SNX30: variants seen among roughly 807,000 people sequenced by gnomAD.
SNX30 encodes the protein sorting nexin-30.
Under a neutral mutation model 46.4 loss-of-function variants are expected in SNX30, and 24 were observed. That is an observed-to-expected ratio of 0.52 (90% CI 0.37 to 0.73). The LOEUF (loss-of-function observed/expected upper bound fraction) is 0.73, where lower values mean the gene tolerates loss of function less well. SNX30 is among the 30% of genes least tolerant of loss of function. The pLI, the probability that SNX30 is intolerant of heterozygous loss-of-function variation, is 0.00. For missense variants in SNX30, 533 were observed against 555.7 expected, an observed-to-expected ratio of 0.96 and a Z score of 0.41; for synonymous variants, 189 against 211.5, an observed-to-expected ratio of 0.89 and a Z score of 0.92.
Position 112,869,002 on chromosome 9 carries a change from T to C in SNX30, c.*159T>C. The C allele has an allele frequency of 4.4e-6, 3 of 688,290 alleles. No homozygotes were observed. Among genetic ancestry groups the C allele is most frequent in the East Asian group, 5.3e-5 (2 of 37,908 alleles). 42.6% of individuals were successfully genotyped at this position (688,290 alleles called of 1,614,324 possible). A position where few individuals can be genotyped will look rare whatever the true frequency, so the allele number is the denominator to read the frequency against. On this transcript the variant is annotated 3_prime_UTR_variant, in exon 9 of 9. Coordinates refer to ENST00000374232, the MANE Select transcript of SNX30 (RefSeq NM_001012994.2). ...TCCCCCACCTTTCACCCCACAGTGG[T>C]TTTCAATTAGTATTTATTCCATGGT... is the stretch of plus-strand genomic sequence containing the variant.
intron 4 of SNX30, among the ~76,000 whole-genome samples, chr9:112,832,100 G>GT (rs1319430747): frequency 1.3e-5 from 2 of 152,138 alleles, no homozygotes; most frequent in African/African-American, 4.8e-5. Flanking sequence ...GAGTCCTTTA[G>GT]TTTTTATAAC....
In SNX30 at chr9:112,853,043, C is replaced by T. The variant is rs575029608; in HGVS notation, c.1101+2098C>T. The stretch of plus-strand genomic sequence containing the variant: ...CCGGGGGAAGGCATTGTTCTTTCCC[C>T]GTTTCGTGGGTGAGGAAATGAGGCA... On this transcript the variant is annotated intron_variant, in intron 7 of 8. Transcript: ENST00000374232. Among the ~76,000 whole-genome samples, 16 of 152,212 alleles carry T rather than the reference C, an allele frequency of 1.1e-4. No individual in the cohort carries two copies. In the South Asian group the frequency reaches 2.7e-3, roughly 26 times the overall value.
chr9:112,758,039 C>G (rs1337057018), intron 1 of SNX30, among the ~76,000 whole-genome samples: 2 of 152,142 alleles, frequency 1.3e-5, no homozygotes, highest in Non-Finnish European at 2.9e-5. Flanking sequence ...CCCTTCTACT[C>G]CACCCTTCCT....
At position 112,864,298 on chromosome 9, in the gene SNX30, G is replaced by T; in HGVS notation, c.1153G>T (p.Asp385Tyr). 1 of 1,614,196 alleles carries T rather than the reference G, an allele frequency of 6.2e-7. No homozygotes were observed. Among genetic ancestry groups the T allele is most frequent in the Non-Finnish European group, 8.5e-7 (1 of 1,180,038 alleles). The change falls in exon 8 of 9, where the codon GAC becomes TAC. Residue 385 changes from aspartate (D) to tyrosine (Y), a missense_variant. By Grantham distance (160) the Asp-to-Tyr change is radical. Coordinates refer to ENST00000374232, the MANE Select transcript of SNX30 (RefSeq NM_001012994.2). ...CQDRMECFNA[D>Y]LKADMERWQN... ...GGATCGGATGGAGTGTTTCAATGCT[G>T]ACCTGAAAGCTGACATGGAGAGGTG...
In SNX30 at chr9:112,874,855, A is replaced by G. The variant is rs1383501476; in HGVS notation, c.*6012A>G. 4 of 152,142 alleles carry G rather than the reference A, an allele frequency of 2.6e-5. No homozygotes were observed. The highest frequency in any genetic ancestry group is 6.5e-5 in the Admixed American group (1 of 15,274). The allele number at this position is 152,142 out of a possible 1,614,324, so 9.4% of individuals were successfully genotyped here. The stretch of plus-strand genomic sequence containing the variant: ...GTGTATAAAAAAATTGTTGTTTACT[A>G]TGGAATTAGTATTACATTTTGAGGT... On this transcript the variant is annotated 3_prime_UTR_variant, in exon 9 of 9. Coordinates refer to ENST00000374232, the MANE Select transcript of SNX30 (RefSeq NM_001012994.2).
intron 3 of SNX30, among the ~76,000 whole-genome samples, chr9:112,820,525 A>G (rs923711508): frequency 1.3e-5 from 2 of 152,202 alleles, no homozygotes; most frequent in Non-Finnish European, 2.9e-5. Context: ...TTCCCTTTTT[A>G]AGAAAGGATT....
chr9:112,847,404 C>A (rs1317796007), intron 6 of SNX30, among the ~76,000 whole-genome samples: 1 of 151,460 alleles, frequency 6.6e-6, no homozygotes. Flanking sequence ...CATATTATTT[C>A]ATACAGAAAC....
At chr9:112,847,462 T>TA (rs199659835) in intron 6 of SNX30, among the ~76,000 whole-genome samples, 7 of 133,776 alleles carry the variant, frequency 5.2e-5, no homozygotes, top group Admixed American at 3.7e-4. Context: ...TTTTTTTTTT[T>TA]AAAAAGGACT....
intron 6 of SNX30, among the ~76,000 whole-genome samples, chr9:112,849,318 T>C (rs1423293792): frequency 2.0e-5 from 3 of 152,262 alleles, no homozygotes; most frequent in African/African-American, 4.8e-5. Flanking sequence ...ACTAGCCATA[T>C]GTGGCTATTT....
intron 1 of SNX30, among the ~76,000 whole-genome samples, chr9:112,804,322 G>C (rs1259213423): frequency 6.6e-6 from 1 of 152,234 alleles, no homozygotes; most frequent in South Asian, 2.1e-4. Flanking sequence ...GCACCACCAT[G>C]TCCAGCTAAT....
intron 2 of SNX30, among the ~76,000 whole-genome samples, chr9:112,807,276 G>C (rs2131406305): frequency 6.6e-6 from 1 of 152,128 alleles, no homozygotes; most frequent in East Asian, 1.9e-4. Context: ...ATGTTGGCCA[G>C]CCTGGTCTTG....
chr9:112,788,713 C>T (rs551885106), intron 1 of SNX30, among the ~76,000 whole-genome samples: 6 of 152,294 alleles, frequency 3.9e-5, no homozygotes, highest in African/African-American at 1.4e-4. Context: ...GGAGGAATGC[C>T]TTCCTTAGGT....
At chr9:112,884,908 C>T (rs1483209238), downstream of SNX30, among the ~76,000 whole-genome samples, 2 of 152,204 alleles carry the variant, frequency 1.3e-5, no homozygotes, top group Non-Finnish European at 2.9e-5. Flanking sequence ...GCAAAAACTA[C>T]TCATCCTTTA....
At chr9:112,769,232 T>C (rs1839606104) in intron 1 of SNX30, among the ~76,000 whole-genome samples, 1 of 152,212 alleles carries the variant, frequency 6.6e-6, no homozygotes, top group Non-Finnish European at 1.5e-5. Flanking sequence ...AAGGCTTTCT[T>C]TCCTCTCCAC....
intron 1 of SNX30, among the ~76,000 whole-genome samples, chr9:112,787,799 G>C (rs563209774): frequency 4.6e-4 from 69 of 148,906 alleles, no homozygotes; most frequent in South Asian, 1.9e-3. Context: ...AGGCAAGGAC[G>C]CTTTTTTTTT....
Position 112,870,691 on chromosome 9 carries a change from GTGGGTATGGACGC to G in SNX30, c.*1849_*1861del, listed in dbSNP as rs1841432327. On this transcript the variant is annotated 3_prime_UTR_variant, in exon 9 of 9. Transcript: ENST00000374232. The stretch of plus-strand genomic sequence containing the variant: ...TCTACCTCTAAGCCATCGTGTTGAC[GTGGGTATGGACGC>G]CTGGGTCTGACCTGACACTGTGCTG... 1 of 152,230 alleles carries G rather than the reference GTGGGTATGGACGC, an allele frequency of 6.6e-6. No individual in the cohort carries two copies. The highest frequency in any genetic ancestry group is 1.5e-5 in the Non-Finnish European group (1 of 68,062). The allele number at this position is 152,230 out of a possible 1,614,324, so 9.4% of individuals were successfully genotyped here.
chr9:112,755,083 C>A (rs773969880), intron 1 of SNX30, among the ~76,000 whole-genome samples: 2 of 152,196 alleles, frequency 1.3e-5, no homozygotes, highest in African/African-American at 2.4e-5. Flanking sequence ...AGGCACTGTT[C>A]TAGGAACTTG....
rs1841471819 is a variant in SNX30 at position 112,873,074 on chromosome 9, G to GTTA, written c.*4232_*4234dup. On this transcript the variant is annotated 3_prime_UTR_variant, in exon 9 of 9. Transcript: ENST00000374232. ...ATCAGAGTGTGTGTAAGTTGTCTGT[G>GTTA]TTAGAAAGGTTGGGGTGGGGGCTTT... 6.6e-6 allele frequency: 1 copy of GTTA among 152,258 alleles called. No individual in the cohort carries two copies. Among genetic ancestry groups the GTTA allele is most frequent in the Admixed American group, 6.5e-5 (1 of 15,278 alleles). The allele number at this position is 152,258 out of a possible 1,614,324, so 9.4% of individuals were successfully genotyped here.
intron 8 of SNX30, among the ~76,000 whole-genome samples, chr9:112,865,659 A>ATGTGTGTGTGTGTGTGTGTGTGTG (rs1473545725): frequency 2.5e-5 from 2 of 79,698 alleles, no homozygotes; most frequent in Non-Finnish European, 5.1e-5. Context: ...ATATATATAT[A>ATGTGTGTGTGTGTGTGTGTGTGTG]TATGTATGTA....
Sources: allele counts gnomAD v4.1 joint callset (sites outside exome capture counted in the v4.1 genomes callset), GRCh38; gene constraint gnomAD v4.1.1; transcripts MANE v1.5; gene names NCBI Gene and HGNC (gene_info 2026-07-23, HGNC 2026-07-21).